CNP: variants seen among roughly 807,000 people sequenced by gnomAD.
CNP encodes the protein 2',3'-cyclic nucleotide 3' phosphodiesterase.
In CNP, 8 loss-of-function variants were observed where a neutral mutation model predicts 37.9. That is an observed-to-expected ratio of 0.21 (90% CI 0.12 to 0.38). The LOEUF is 0.38. Among genes scored for constraint, CNP ranks in the 10% least tolerant of loss-of-function variants. The pLI is 1.00. For missense variants in CNP, 457 were observed against 551.0 expected (o/e 0.83, Z 1.71); for synonymous variants, 237 against 238.3 (o/e 0.99, Z 0.05).
intron 2 of CNP, among the ~76,000 whole-genome samples, chr17:41,969,163 TAA>T (rs1390684732): frequency 4.0e-5 from 6 of 151,704 alleles, no homozygotes; most frequent in African/African-American, 1.5e-4. Context: ...TTCCAAAAAA[TAA>T]TAATAATAAT....
rs2051079546 is a variant in CNP at position 41,976,426 on chromosome 17, GCAA to G, written c.*2503_*2505del. ...GACTGGAGACAATGCAGATGCCAGA[GCAA>G]AGGGCCAGGAAGGGTCAAAACATTT... On this transcript the variant is annotated 3_prime_UTR_variant, in exon 4 of 4. Coordinates refer to ENST00000393892, the MANE Select transcript of CNP (RefSeq NM_033133.5). 1 of 319,034 alleles carries G rather than the reference GCAA, an allele frequency of 3.1e-6. No homozygotes were observed. The highest frequency in any genetic ancestry group is 5.8e-6 in the Non-Finnish European group (1 of 173,820). The allele number at this position is 319,034 out of a possible 1,614,324, so 19.8% of individuals were successfully genotyped here. A position where few individuals can be genotyped will look rare whatever the true frequency, so the allele number is the denominator to read the frequency against.
In CNP at chr17:41,973,456, T is replaced by C. The variant is rs782600136; in HGVS notation, c.817-19T>C. The C allele has an allele frequency of 3.8e-5, 61 of 1,601,272 alleles. No homozygotes were observed. The Admixed American group carries it at 7.1e-4, about 19-fold the overall frequency. ...GCCTGCCATCTCTAGCTTGGGCCCC[T>C]CTTTCTCACTCTCCCCAGGTGTTAA... On this transcript the variant is annotated intron_variant, in intron 3 of 3. Transcript: ENST00000393892.
At chr17:41,972,694 A>G (rs1397787167) in intron 3 of CNP, among the ~76,000 whole-genome samples, 6 of 152,140 alleles carry the variant, frequency 3.9e-5, no homozygotes, top group Admixed American at 3.9e-4. Flanking sequence ...AGCTCCCCTG[A>G]GGGCGAGTTT....
intron 1 of CNP, 156 bp downstream of exon 1, chr17:41,967,043 A>C: frequency 1.2e-6 from 1 of 845,574 alleles, no homozygotes. Flanking sequence ...GGTCTGGGAG[A>C]AGCGGAGGGG....
At position 41,975,142 on chromosome 17, in the gene CNP, A is replaced by G. The variant is rs1555644536; in HGVS notation, c.*1218A>G. On this transcript the variant is annotated 3_prime_UTR_variant, in exon 4 of 4. Coordinates refer to ENST00000393892, the MANE Select transcript of CNP (RefSeq NM_033133.5). ...CTTTGCCCAACCTCAGCAACCTGTA[A>G]GACTGATAATGAAATAAATCATGTT... 8 of 152,280 alleles carry G rather than the reference A, an allele frequency of 5.3e-5. No homozygotes were observed. 9.4% of individuals were successfully genotyped at this position (152,280 alleles called of 1,614,324 possible). A position where few individuals can be genotyped will look rare whatever the true frequency, so the allele number is the denominator to read the frequency against.
In CNP at chr17:41,968,733, G is replaced by GCGA. The variant is rs1567945663; in HGVS notation, c.671_673dup (p.Arg224dup). 3.7e-6 allele frequency: 6 copies of GCGA among 1,608,534 alleles called. No homozygotes were observed. Among genetic ancestry groups the GCGA allele is most frequent in the Middle Eastern group, 3.3e-4 (2 of 6,058 alleles). On this transcript the variant is annotated inframe_insertion, in exon 2 of 4. Transcript: ENST00000393892. The surrounding 1 kb of genome is among the most constrained non-coding windows in gnomAD (Gnocchi z 4.8). ...ACCACAAGGCCTTCAAGAAGGAGCTGCGACAATGTAGGTGGCAGGTTGGGG... is the reference window on the plus strand; with the variant it reads ...ACCACAAGGCCTTCAAGAAGGAGCTGCGACGACAATGTAGGTGGCAGGTTGGGG...
Position 41,968,519 on chromosome 17 carries a change from C to CCA in CNP, c.455_456insCA (p.Ala153ArgfsTer23). ...CAGGTGGTGCTGGTGGAGCCCAAGACGGCGTGGCGGCTGGACTGTGCCCAG... is the reference window on the plus strand; with the variant it reads ...CAGGTGGTGCTGGTGGAGCCCAAGACCAGGCGTGGCGGCTGGACTGTGCCCAG... On this transcript the variant is annotated frameshift_variant, in exon 2 of 4. Transcript: ENST00000393892. LOFTEE classifies it high-confidence loss of function. The surrounding 1 kb of genome is among the most constrained non-coding windows in gnomAD (Gnocchi z 4.8). 1 of 1,614,148 alleles carries CCA rather than the reference C, an allele frequency of 6.2e-7. No individual in the cohort carries two copies. Among genetic ancestry groups the CCA allele is most frequent in the Non-Finnish European group, 8.5e-7 (1 of 1,180,026 alleles).
Position 41,971,980 on chromosome 17 carries a change from G to A in CNP, c.765G>A (p.Lys255=). The change falls in exon 3 of 4, where the codon AAG becomes AAA. Residue 255 remains lysine, a synonymous_variant. Transcript: ENST00000393892. Reference sequence around the variant, plus strand: ...CAGGCGTGCTGCATTGCACAACCAAGTTTTGTGACTACGGGAAGGCTCCCG... The same window carrying A: ...CAGGCGTGCTGCATTGCACAACCAAATTTTGTGACTACGGGAAGGCTCCCG... ...RPPGVLHCTT[K]FCDYGKAPGA... 1 of 1,613,848 alleles carries A rather than the reference G, an allele frequency of 6.2e-7. No homozygotes were observed. Among genetic ancestry groups the A allele is most frequent in the East Asian group, 2.2e-5 (1 of 44,860 alleles).
rs782532988 is a variant in CNP at position 41,971,894 on chromosome 17, G to A, written c.679G>A (p.Val227Ile). ...CTGCACCCGTTTTCTCCCGGCAGTC[G>A]TCCCTGGGGATGAGCCCAGGGAGAA... ...KAFKKELRQF[V>I]PGDEPREKMD... is the part of the protein sequence containing the mutation. The change falls in exon 3 of 4, where the codon GTC becomes ATC. Residue 227 changes from valine to isoleucine, a missense_variant and splice_region_variant. Physicochemically the swap from Val to Ile is conservative, Grantham distance 29. This residue lies in a region of CNP where 291 missense variants were observed against 291.7 expected (regional missense o/e 1.00). Transcript: ENST00000393892. 13 of 1,613,578 alleles carry A rather than the reference G, an allele frequency of 8.1e-6. No individual in the cohort carries two copies. The highest frequency in any genetic ancestry group is 1.6e-4 in the Middle Eastern group (1 of 6,082).
Position 41,976,915 on chromosome 17 carries a change from T to TGA in CNP, c.*2991_*2992insGA. ...TGGGTATCAAACAGCTCAGGCTGTT[T>TGA]TTGGGTGCAAGAGGGAGCACGTGAC... On this transcript the variant is annotated 3_prime_UTR_variant, in exon 4 of 4. Transcript: ENST00000393892. 1 of 1,043,028 alleles carries TGA rather than the reference T, an allele frequency of 9.6e-7. No homozygotes were observed. Among genetic ancestry groups the TGA allele is most frequent in the Non-Finnish European group, 1.4e-6 (1 of 727,746 alleles). The allele number at this position is 1,043,028 out of a possible 1,614,324, so 64.6% of individuals were successfully genotyped here. A position where few individuals can be genotyped will look rare whatever the true frequency, so the allele number is the denominator to read the frequency against.
Position 41,973,772 on chromosome 17 carries a change from C to T in CNP, c.1114C>T (p.Leu372Phe), listed in dbSNP as rs781822198. 2.5e-6 allele frequency: 4 copies of T among 1,612,726 alleles called. No homozygotes were observed. The highest frequency in any genetic ancestry group is 3.4e-6 in the Non-Finnish European group (4 of 1,179,400). Residue 372 changes from leucine (L) to phenylalanine (F), a missense_variant, in exon 4 of 4, where the codon CTC becomes TTC. By Grantham distance (22) the Leu-to-Phe change is conservative. Around this residue, in one of 2 missense-constraint regions of CNP, gnomAD observed 291 missense variants for 291.7 expected, o/e 1.00. Coordinates refer to ENST00000393892, the MANE Select transcript of CNP (RefSeq NM_033133.5). Reference protein sequence around the residue: ...EEVGELSRGKLYSLGNGRWML... With the variant: ...EEVGELSRGKFYSLGNGRWML... ...GGTGGGCGAGCTAAGCCGGGGCAAGCTCTATTCCTTGGGCAATGGGCGCTG... is the reference window on the plus strand; with the variant it reads ...GGTGGGCGAGCTAAGCCGGGGCAAGTTCTATTCCTTGGGCAATGGGCGCTG...
chr17:41,976,853 AG>A lies in CNP; in HGVS notation c.*2932del. On this transcript the variant is annotated 3_prime_UTR_variant, in exon 4 of 4. Transcript: ENST00000393892. The stretch of plus-strand genomic sequence containing the variant: ...TGCTCTGATTATGGAAAAGTCTTCA[AG>A]GGCTGCTTCAAACTCAAACACAGAG... 6.5e-7 allele frequency: 1 copy of A among 1,538,108 alleles called. No individual in the cohort carries two copies. Among genetic ancestry groups the A allele is most frequent in the Non-Finnish European group, 8.8e-7 (1 of 1,137,156 alleles).
chr17:41,969,416 CTT>C (rs1555643475), intron 2 of CNP, among the ~76,000 whole-genome samples: 1 of 152,210 alleles, frequency 6.6e-6, no homozygotes, highest in South Asian at 2.1e-4. Flanking sequence ...AGGGTTCTCT[CTT>C]GGCATGGGCT....
In CNP at chr17:41,968,302, A is replaced by G. The variant is rs2144558622; in HGVS notation, c.238A>G (p.Met80Val). 3 of 1,614,080 alleles carry G rather than the reference A, an allele frequency of 1.9e-6. No individual in the cohort carries two copies. Among genetic ancestry groups the G allele is most frequent in the Non-Finnish European group, 2.5e-6 (3 of 1,179,976 alleles). Reference protein sequence around the residue: ...IVDKYRDGTKMVSADAYKITP... With the variant: ...IVDKYRDGTKVVSADAYKITP... ...GGACAAGTACCGTGATGGCACCAAG[A>G]TGGTGTCGGCTGACGCTTACAAGAT... The change falls in exon 2 of 4, where the codon ATG becomes GTG. Residue 80 changes from methionine (M) to valine (V), a missense_variant. This residue lies in a region of CNP where 166 missense variants were observed against 259.3 expected (regional missense o/e 0.64). Transcript: ENST00000393892. The surrounding 1 kb of genome is among the most constrained non-coding windows in gnomAD (Gnocchi z 4.8).
chr17:41,967,808 G>A (rs2050924490), intron 1 of CNP: 2 of 1,303,058 alleles, frequency 1.5e-6, no homozygotes, highest in Admixed American at 3.3e-5. Context: ...GGCTCCTGGC[G>A]CGCCCCGCAT....
Position 41,974,135 on chromosome 17 carries a change from A to G in CNP, c.*211A>G, listed in dbSNP as rs2051037475. ...CTCACGCTCCCAACACAAGGTGGGC[A>G]GGGAGGCACCATTCAGGAACCTGGA... On this transcript the variant is annotated 3_prime_UTR_variant, in exon 4 of 4. Coordinates refer to ENST00000393892, the MANE Select transcript of CNP (RefSeq NM_033133.5). 9.5e-6 allele frequency: 4 copies of G among 418,974 alleles called. No homozygotes were observed. Among genetic ancestry groups the G allele is most frequent in the Non-Finnish European group, 1.6e-5 (4 of 246,780 alleles). The allele number at this position is 418,974 out of a possible 1,614,324, so 26.0% of individuals were successfully genotyped here.
At chr17:41,972,369 G>T (rs2051002724) in intron 3 of CNP, among the ~76,000 whole-genome samples, 1 of 152,106 alleles carries the variant, frequency 6.6e-6, no homozygotes, top group Admixed American at 6.6e-5. Context: ...AAGACTAGGA[G>T]TCCTTCGCCC....
Position 41,976,480 on chromosome 17 carries a change from ATAAAGT to A in CNP, c.*2561_*2566del, listed in dbSNP as rs782692190. ...TATTCTCTTTTTTTTTTCTTTTTTA[ATAAAGT>A]TAAACAGTAAAACAAAAATTCACAA... On this transcript the variant is annotated 3_prime_UTR_variant, in exon 4 of 4. Coordinates refer to ENST00000393892, the MANE Select transcript of CNP (RefSeq NM_033133.5). 1.1e-3 allele frequency: 540 copies of A among 471,644 alleles called. 1 individual carries two copies. Among genetic ancestry groups the A allele is most frequent in the Non-Finnish European group, 1.6e-3 (434 of 271,036 alleles). The allele number at this position is 471,644 out of a possible 1,614,324, so 29.2% of individuals were successfully genotyped here. A position where few individuals can be genotyped will look rare whatever the true frequency, so the allele number is the denominator to read the frequency against.
chr17:41,973,926 T>A lies in CNP; in HGVS notation c.*2T>A. ...TTGCAGTCCTGCACCATCATATGAG[T>A]GTTCTCACCACCACTTATGCCCCTA... On this transcript the variant is annotated 3_prime_UTR_variant, in exon 4 of 4. Transcript: ENST00000393892. The A allele has an allele frequency of 6.6e-7, 1 of 1,509,540 alleles. No homozygotes were observed. Among genetic ancestry groups the A allele is most frequent in the Non-Finnish European group, 8.8e-7 (1 of 1,130,392 alleles). The allele number at this position is 1,509,540 out of a possible 1,614,324, so 93.5% of individuals were successfully genotyped here. A position where few individuals can be genotyped will look rare whatever the true frequency, so the allele number is the denominator to read the frequency against.
Sources: allele counts gnomAD v4.1 joint callset (sites outside exome capture counted in the v4.1 genomes callset), GRCh38; gene constraint gnomAD v4.1.1; regional missense constraint gnomAD v4.1.1; non-coding constraint Gnocchi (gnomAD v3.1); transcripts MANE v1.5; gene names NCBI Gene and HGNC (gene_info 2026-07-23, HGNC 2026-07-21).